ZNF423: variants seen among roughly 807,000 people sequenced by gnomAD.
The protein encoded by ZNF423 is zinc finger protein 423, also known as Ebf-associated zinc finger protein.
ZNF423 carries 12 observed loss-of-function variants against 95.8 expected under a neutral mutation model. The observed-to-expected ratio is 0.13, with a 90% CI of 0.08 to 0.20. ZNF423 has a LOEUF of 0.20. ZNF423 is among the 10% of genes least tolerant of loss of function. ZNF423 has a pLI of 1.00. For synonymous variants in ZNF423, 749 were observed against 711.9 expected (o/e 1.05, Z -0.83); for missense variants, 1,316 against 1,737.1 (o/e 0.76, Z 4.31).
At chr16:49,620,653 G>T (rs761934173) in intron 5 of ZNF423, among the ~76,000 whole-genome samples, 1 of 152,098 alleles carries the variant, frequency 6.6e-6, no homozygotes, top group African/African-American at 2.4e-5. Flanking sequence ...ACCCTCCCCG[G>T]GGCTCCCCCA....
intron 1 of ZNF423, among the ~76,000 whole-genome samples, chr16:49,792,928 A>AT (rs869120624): frequency 6.6e-6 from 1 of 151,858 alleles, no homozygotes; most frequent in Non-Finnish European, 1.5e-5. Context: ...CATCTGGCTA[A>AT]TTTTTTTATT....
At chr16:49,846,061 T>G (rs2035241767) in intron 1 of ZNF423, among the ~76,000 whole-genome samples, 2 of 151,882 alleles carry the variant, frequency 1.3e-5, no homozygotes, top group African/African-American at 4.8e-5. Context: ...AAGCCACGGA[T>G]GAGGCCGAGG....
At chr16:49,821,927 G>A (rs894748280) in intron 1 of ZNF423, among the ~76,000 whole-genome samples, 9 of 152,156 alleles carry the variant, frequency 5.9e-5, no homozygotes, top group African/African-American at 1.9e-4. Flanking sequence ...GGCCTCTGGG[G>A]GATGCATTCA....
intron 3 of ZNF423, among the ~76,000 whole-genome samples, chr16:49,644,235 C>A (rs12443940): frequency 0.21 from 32,036 of 152,038 alleles, 3,531 homozygotes; most frequent in Admixed American, 0.25. Flanking sequence ...CGAAGCTATG[C>A]AAGAGGCCCT....
At chr16:49,832,046 G>A (rs2035066099) in intron 1 of ZNF423, among the ~76,000 whole-genome samples, 1 of 151,792 alleles carries the variant, frequency 6.6e-6, no homozygotes, top group Admixed American at 6.6e-5. Flanking sequence ...TGTTGCTTCT[G>A]ACTTTTCCTC....
intron 3 of ZNF423, among the ~76,000 whole-genome samples, chr16:49,650,030 C>T (rs919064139): frequency 3.9e-5 from 6 of 152,188 alleles, no homozygotes; most frequent in Middle Eastern, 3.2e-3. Flanking sequence ...ATCATTCCTT[C>T]GGTTTGGGAG....
In ZNF423 at chr16:49,781,750, C is replaced by T. The variant is rs922172690; in HGVS notation, c.100+7737G>A. Among the ~76,000 whole-genome samples, 18 of 152,312 alleles carry T rather than the reference C, an allele frequency of 1.2e-4. No homozygotes were observed. The East Asian group carries it at 1.5e-3, about 13-fold the overall frequency. ...AAAGGACTGCAGGGGATGAGGCTGT[C>T]GCCTTGGTCAGGAGCAGGGACCCTG... On this transcript the variant is annotated intron_variant, in intron 2 of 7. Transcript: ENST00000563137.
chr16:49,851,736 C>T (rs2035304320), intron 1 of ZNF423, among the ~76,000 whole-genome samples: 2 of 152,178 alleles, frequency 1.3e-5, no homozygotes, highest in Admixed American at 1.3e-4. Flanking sequence ...GCAGGATTCC[C>T]CTGCCAGAGG....
At chr16:49,854,478 A>C in intron 1 of ZNF423, 1 of 985,444 alleles carries the variant, frequency 1.0e-6, no homozygotes, top group African/African-American at 1.7e-5. Flanking sequence ...GCCTCCAGGA[A>C]ATGAACTTTT....
At chr16:49,530,165 T>A (rs919083358) in intron 5 of ZNF423, among the ~76,000 whole-genome samples, 21 of 152,022 alleles carry the variant, frequency 1.4e-4, no homozygotes, top group African/African-American at 5.1e-4. Context: ...ATAGGCAGAG[T>A]CATTACGGGG....
chr16:49,857,454 G>A (rs1331213374), upstream of ZNF423, among the ~76,000 whole-genome samples: 1 of 152,136 alleles, frequency 6.6e-6, no homozygotes, highest in East Asian at 1.9e-4. The surrounding 1 kb of genome is among the most constrained non-coding windows in gnomAD (Gnocchi z 6.2). Context: ...CAAGACGCAT[G>A]AGCCTCACAA....
At chr16:49,610,519 A>G (rs914805953) in intron 5 of ZNF423, among the ~76,000 whole-genome samples, 1 of 152,144 alleles carries the variant, frequency 6.6e-6, no homozygotes, top group Non-Finnish European at 1.5e-5. Context: ...AGTAATCATG[A>G]TAAAAAGCTG....
chr16:49,572,647 G>A (rs995385037), intron 5 of ZNF423, among the ~76,000 whole-genome samples: 4 of 152,112 alleles, frequency 2.6e-5, no homozygotes, highest in East Asian at 1.9e-4. Flanking sequence ...TGTGAGTAAC[G>A]GCACGAGTTG....
intron 5 of ZNF423, among the ~76,000 whole-genome samples, chr16:49,529,016 CT>C (rs1968738240): frequency 6.6e-6 from 1 of 151,958 alleles, no homozygotes; most frequent in Non-Finnish European, 1.5e-5. Context: ...CGGCCGACAC[CT>C]TGGAGCAGAA....
chr16:49,504,313 C>G lies in ZNF423; in HGVS notation c.3850-13009G>C, dbSNP rs569257842. ...AGGCACAGTGGCTCACACCTGTAAT[C>G]CCAGCACCTTGGGAGGCCAGCACTT... is the stretch of plus-strand genomic sequence containing the variant. On this transcript the variant is annotated intron_variant, in intron 7 of 7. Transcript: ENST00000563137. Among the ~76,000 whole-genome samples, 4 of 152,294 alleles carry G rather than the reference C, an allele frequency of 2.6e-5. No homozygotes were observed. In the East Asian group the frequency reaches 7.7e-4, roughly 29 times the overall value.
chr16:49,645,977 T>C (rs895630018), intron 3 of ZNF423, among the ~76,000 whole-genome samples: 5 of 152,226 alleles, frequency 3.3e-5, no homozygotes, highest in Admixed American at 2.0e-4. Flanking sequence ...CAATTAAACC[T>C]CTTTCCTTCA....
intron 3 of ZNF423, among the ~76,000 whole-genome samples, chr16:49,728,962 A>T (rs146898863): frequency 1.2e-3 from 183 of 152,290 alleles, no homozygotes; most frequent in African/African-American, 4.3e-3. Flanking sequence ...TGGACTGCTG[A>T]CATCGTGATC....
chr16:49,838,798 C>G (rs990999064), intron 1 of ZNF423, among the ~76,000 whole-genome samples: 1 of 151,820 alleles, frequency 6.6e-6, no homozygotes, highest in Non-Finnish European at 1.5e-5. Flanking sequence ...AGCCGGCCCC[C>G]CGCCGCGGCC....
At chr16:49,615,130 TCACACACACA>T (rs61428028) in intron 5 of ZNF423, among the ~76,000 whole-genome samples, 22 of 141,248 alleles carry the variant, frequency 1.6e-4, no homozygotes, top group South Asian at 2.4e-4. Flanking sequence ...AAACTCCATC[TCACACACACA>T]CACACACACA....
Sources: allele counts gnomAD v4.1 joint callset (sites outside exome capture counted in the v4.1 genomes callset), GRCh38; gene constraint gnomAD v4.1.1; non-coding constraint Gnocchi (gnomAD v3.1); transcripts MANE v1.5; gene names NCBI Gene and HGNC (gene_info 2026-07-23, HGNC 2026-07-21).